The following IPO5 variants were observed in gnomAD, a reference collection of about 807,000 sequenced individuals.
IPO5 encodes the protein importin-5.
Under a neutral mutation model 143.3 loss-of-function variants are expected in IPO5, and 18 were observed. The observed-to-expected ratio is 0.13, with a 90% CI of 0.09 to 0.19. The LOEUF (loss-of-function observed/expected upper bound fraction) is 0.19. Ranked by LOEUF, IPO5 falls within the 10% of genes least tolerant of loss-of-function variation. The probability of loss-of-function intolerance (pLI) is 1.00; values close to 1 mark genes in which losing one functional copy is unlikely to be tolerated. For missense variants in IPO5, 1,013 were observed against 1,336.9 expected, an observed-to-expected ratio of 0.76 and a Z score of 3.78; for synonymous variants, 477 against 465.7, an observed-to-expected ratio of 1.02 and a Z score of -0.31.
chr13:97,964,509 G>T (rs9517148), intron 2 of IPO5, among the ~76,000 whole-genome samples: 7,152 of 144,402 alleles, frequency 0.05, 427 homozygotes, highest in East Asian at 0.33. Flanking sequence ...GTGCAGTGGC[G>T]CGATCTCGGC....
At chr13:98,008,940 G>T (rs557508760) in intron 18 of IPO5, among the ~76,000 whole-genome samples, 1 of 152,140 alleles carries the variant, frequency 6.6e-6, no homozygotes. Context: ...AGCATGTTTT[G>T]TTGTTGTTTG....
At position 97,969,732 on chromosome 13, in the gene IPO5, G is replaced by T. The variant is rs1203770906; in HGVS notation, c.-103G>T. 6.7e-7 allele frequency: 1 copy of T among 1,490,920 alleles called. No individual in the cohort carries two copies. Among genetic ancestry groups the T allele is most frequent in the South Asian group, 1.1e-5 (1 of 88,218 alleles). 92.4% of individuals were successfully genotyped at this position (1,490,920 alleles called of 1,614,324 possible). On this transcript the variant is annotated 5_prime_UTR_variant, in exon 3 of 29. Coordinates refer to ENST00000651721, the MANE Select transcript of IPO5 (RefSeq NM_002271.6). ...GTTTCTGTCAAATCAGCAGAGGAAA[G>T]AAATTCCTAAGGGAACACTGCTCAG...
intron 3 of IPO5, among the ~76,000 whole-genome samples, chr13:97,973,090 T>C (rs1470191457): frequency 6.7e-6 from 1 of 148,998 alleles, no homozygotes; most frequent in Non-Finnish European, 1.5e-5. Context: ...TCACCCATGC[T>C]GTAGTGCAGT....
intron 27 of IPO5, 25 bp downstream of exon 27, chr13:98,019,834 T>C (rs753490314): frequency 2.3e-5 from 35 of 1,491,820 alleles, no homozygotes; most frequent in Non-Finnish European, 7.5e-6. Flanking sequence ...TGTGACCTTA[T>C]TTCCTTCTCC....
In IPO5 at chr13:98,021,761, G is replaced by A. The variant is rs1327446342; in HGVS notation, c.3233G>A (p.Cys1078Tyr). Residue 1078 changes from cysteine (C) to tyrosine (Y), a missense_variant, in exon 29 of 29, where the codon TGC becomes TAC. Around this residue, in one of 2 missense-constraint regions of IPO5, gnomAD observed 685 missense variants for 994.9 expected, o/e 0.69. Transcript: ENST00000651721. ...VQTSGGLWTE[C>Y]IAQLSPEQQA... ...ACTTCTGGAGGACTGTGGACTGAGT[G>A]CATAGCACAGCTCAGTCCTGAGCAG... 5 of 1,588,814 alleles carry A rather than the reference G, an allele frequency of 3.1e-6. No individual in the cohort carries two copies. The highest frequency in any genetic ancestry group is 2.7e-5 in the African/African-American group (2 of 74,606).
In IPO5 at chr13:98,019,657, C is replaced by G; in HGVS notation, c.2913C>G (p.Asn971Lys). 1 of 1,614,096 alleles carries G rather than the reference C, an allele frequency of 6.2e-7. No homozygotes were observed. The highest frequency in any genetic ancestry group is 8.5e-7 in the Non-Finnish European group (1 of 1,179,928). Reference protein sequence around the residue: ...KTKENVNATENCISAVGKIMK... With the variant: ...KTKENVNATEKCISAVGKIMK... ...AAGAAAATGTCAATGCTACAGAGAA[C>G]TGCATCTCAGCAGTAGGGAAAATCA... The change falls in exon 27 of 29, where the codon AAC becomes AAG. Residue 971 changes from asparagine to lysine, a missense_variant. Physicochemically the swap from Asn to Lys is moderately conservative, Grantham distance 94. Coordinates refer to ENST00000651721, the MANE Select transcript of IPO5 (RefSeq NM_002271.6).
chr13:98,008,503 A>G (rs1248325087), intron 18 of IPO5, among the ~76,000 whole-genome samples: 3 of 152,124 alleles, frequency 2.0e-5, no homozygotes, highest in Admixed American at 1.3e-4. Context: ...TGTAATAGAC[A>G]TCTCCATTTG....
At position 98,018,836 on chromosome 13, in the gene IPO5, T is replaced by C. The variant is rs536455269; in HGVS notation, c.2836+132T>C. ...AGTCTGTTTTCAGACATCTCATCTGTAGCATTTAGGATTTTAGATGATAAA... is the reference window on the plus strand; with the variant it reads ...AGTCTGTTTTCAGACATCTCATCTGCAGCATTTAGGATTTTAGATGATAAA... On this transcript the variant is annotated intron_variant, in intron 26 of 28. Coordinates refer to ENST00000651721, the MANE Select transcript of IPO5 (RefSeq NM_002271.6). 5.1e-4 allele frequency: 326 copies of C among 642,568 alleles called. 1 individual carries two copies. Among genetic ancestry groups the C allele is most frequent in the Non-Finnish European group, 8.3e-4 (307 of 369,890 alleles). The allele number at this position is 642,568 out of a possible 1,614,324, so 39.8% of individuals were successfully genotyped here.
chr13:97,990,035 TAAAC>T (rs1380843541), intron 7 of IPO5, 87 bp from the exon 8 acceptor site: 3 of 770,854 alleles, frequency 3.9e-6, no homozygotes, highest in Admixed American at 2.2e-5. Context: ...CTGAGTCAGG[TAAAC>T]AAACAGTTCA....
At chr13:97,987,005 C>T in intron 6 of IPO5, 1 of 159,424 alleles carries the variant, frequency 6.3e-6, no homozygotes, top group East Asian at 1.8e-4. Flanking sequence ...TAGGAGCCAA[C>T]TAGCCTGCGG....
chr13:98,015,669 A>G lies in IPO5; in HGVS notation c.2437+28A>G, dbSNP rs748029615. 130 of 1,582,364 alleles carry G rather than the reference A, an allele frequency of 8.2e-5. 1 individual carries two copies. The highest frequency in any genetic ancestry group is 1.0e-4 in the Non-Finnish European group (119 of 1,156,090). Reference sequence around the variant, plus strand: ...AAGTTTTCCATGCTTTTATTTCTGAATATAATCCTTGACCATCTTGGCAAT... The same window carrying G: ...AAGTTTTCCATGCTTTTATTTCTGAGTATAATCCTTGACCATCTTGGCAAT... On this transcript the variant is annotated intron_variant, in intron 23 of 28. Transcript: ENST00000651721.
intron 16 of IPO5, among the ~76,000 whole-genome samples, chr13:98,005,191 C>G (rs1889120464): frequency 6.7e-6 from 1 of 150,228 alleles, no homozygotes; most frequent in Non-Finnish European, 1.5e-5. Context: ...GTCACCGTGC[C>G]TGGCTTCTTT....
At position 98,018,430 on chromosome 13, in the gene IPO5, T is replaced by G. The variant is rs552672209; in HGVS notation, c.2617-55T>G. 19 of 1,265,956 alleles carry G rather than the reference T, an allele frequency of 1.5e-5. No individual in the cohort carries two copies. In the Admixed American group the frequency reaches 2.0e-4, roughly 14 times the overall value. 78.4% of individuals were successfully genotyped at this position (1,265,956 alleles called of 1,614,324 possible). A position where few individuals can be genotyped will look rare whatever the true frequency, so the allele number is the denominator to read the frequency against. On this transcript the variant is annotated intron_variant, in intron 25 of 28. Transcript: ENST00000651721. The stretch of plus-strand genomic sequence containing the variant: ...CAGATAGTCTATAGTGAATATTTCT[T>G]TACATTCTTTGTGTACACCAGTATT...
intron 12 of IPO5, among the ~76,000 whole-genome samples, chr13:97,999,224 A>G (rs1487836476): frequency 6.6e-6 from 1 of 152,220 alleles, no homozygotes; most frequent in Non-Finnish European, 1.5e-5. Flanking sequence ...GTAAAAATTA[A>G]AGATTTTTGG....
At chr13:97,992,687 T>C (rs1160198151) in intron 9 of IPO5, among the ~76,000 whole-genome samples, 1 of 152,240 alleles carries the variant, frequency 6.6e-6, no homozygotes, top group East Asian at 1.9e-4. Flanking sequence ...GTAAATCTGT[T>C]TTGAATGTTT....
chr13:97,991,064 TA>T (rs1192031997), intron 9 of IPO5, among the ~76,000 whole-genome samples: 5 of 152,160 alleles, frequency 3.3e-5, no homozygotes, highest in African/African-American at 1.2e-4. Flanking sequence ...AAAAAAATTT[TA>T]TATTAATTAA....
chr13:98,016,792 T>C lies in IPO5; in HGVS notation c.2557T>C (p.Tyr853His). 6.3e-7 allele frequency: 1 copy of C among 1,575,514 alleles called. No individual in the cohort carries two copies. The highest frequency in any genetic ancestry group is 8.6e-7 in the Non-Finnish European group (1 of 1,160,582). ...SDILHSIFSS[Y>H]KEKVLPWFEQ... The stretch of plus-strand genomic sequence containing the variant: ...TATTTTACACTCAATATTCAGTAGC[T>C]ACAAAGAAAAGGTGTTACCATGGTT... The change falls in exon 25 of 29, where the codon TAC (tyrosine) becomes CAC (histidine). Residue 853 changes from tyrosine (Y) to histidine (H), a missense_variant. By Grantham distance (83) the Tyr-to-His change is moderately conservative. This residue lies in a region of IPO5 where 685 missense variants were observed against 994.9 expected (regional missense o/e 0.69). Coordinates refer to ENST00000651721, the MANE Select transcript of IPO5 (RefSeq NM_002271.6).
chr13:97,989,098 A>G lies in IPO5; in HGVS notation c.401A>G (p.Lys134Arg), dbSNP rs779461751. 1 of 1,613,720 alleles carries G rather than the reference A, an allele frequency of 6.2e-7. No individual in the cohort carries two copies. Among genetic ancestry groups the G allele is most frequent in the South Asian group, 1.1e-5 (1 of 91,066 alleles). The change falls in exon 7 of 29, where the codon AAG (lysine) becomes AGG (arginine). Residue 134 changes from lysine (K) to arginine (R), a missense_variant. Lys to Arg is a conservative substitution (Grantham distance 26). This residue lies in a region of IPO5 where 328 missense variants were observed against 342.0 expected (regional missense o/e 0.96). Coordinates refer to ENST00000651721, the MANE Select transcript of IPO5 (RefSeq NM_002271.6). ...DGNNQWPEGL[K>R]FLFDSVSSQN... ...AATAACCAGTGGCCCGAAGGTTTGA[A>G]GTTCCTTTTTGATTCAGTCAGCTCT...
At chr13:98,005,364 T>TA (rs1318350891) in intron 16 of IPO5, among the ~76,000 whole-genome samples, 9 of 117,766 alleles carry the variant, frequency 7.6e-5, no homozygotes, top group Non-Finnish European at 1.2e-4. Context: ...ACCTGGCTAA[T>TA]TTTTATTTAT....
Sources: gnomAD v4.1 joint callset for allele counts (sites outside exome capture counted in the v4.1 genomes callset) on GRCh38, gnomAD v4.1.1 for gene constraint, gnomAD v4.1.1 regional missense constraint, MANE v1.5 for transcripts, NCBI Gene and HGNC (gene_info 2026-07-23, HGNC 2026-07-21) for gene names.